FLRT2: variants seen among roughly 807,000 people sequenced by gnomAD.
FLRT2 encodes fibronectin leucine rich transmembrane protein 2.
Under a neutral mutation model 40.0 loss-of-function variants are expected in FLRT2, and 15 were observed. The ratio of observed to expected loss-of-function variants is 0.38; its 90% CI spans 0.25 to 0.58. FLRT2 has a LOEUF of 0.58. Among genes scored for constraint, FLRT2 ranks in the 20% least tolerant of loss-of-function variants. The pLI, the probability that FLRT2 is intolerant of heterozygous loss-of-function variation, is 0.71. For synonymous variants in FLRT2, 380 were observed against 336.8 expected, an observed-to-expected ratio of 1.13 and a Z score of -1.41; for missense variants, 726 against 840.0, an observed-to-expected ratio of 0.86 and a Z score of 1.68.
At chr14:85,556,175 G>A (rs1025444337) in intron 1 of FLRT2, among the ~76,000 whole-genome samples, 1 of 152,090 alleles carries the variant, frequency 6.6e-6, no homozygotes, top group Non-Finnish European at 1.5e-5. Flanking sequence ...AAAAAGTTTG[G>A]TATCCTAGAG....
chr14:85,568,004 C>T (rs1890710736), intron 1 of FLRT2, among the ~76,000 whole-genome samples: 1 of 151,940 alleles, frequency 6.6e-6, no homozygotes, highest in Non-Finnish European at 1.5e-5. Context: ...CATGACTTGC[C>T]GTCCTCTCAG....
At chr14:85,567,830 G>C (rs1017572636) in intron 1 of FLRT2, among the ~76,000 whole-genome samples, 6 of 151,726 alleles carry the variant, frequency 4.0e-5, no homozygotes, top group Non-Finnish European at 8.8e-5. Flanking sequence ...TAGTAGAGAC[G>C]GGGTTCCACC....
intron 1 of FLRT2, among the ~76,000 whole-genome samples, chr14:85,534,076 G>A (rs1236957701): frequency 6.6e-6 from 1 of 152,186 alleles, no homozygotes; most frequent in Non-Finnish European, 1.5e-5. Context: ...GGCCCTCGCG[G>A]GTCTGGCAGA....
At chr14:85,590,613 T>G (rs1213051423) in intron 1 of FLRT2, among the ~76,000 whole-genome samples, 1 of 152,166 alleles carries the variant, frequency 6.6e-6, no homozygotes. Flanking sequence ...TTATTTCATT[T>G]TTTTGAGACA....
rs1393860584 is a variant in FLRT2, at chr14:85,623,477, C to T, written c.1963C>T (p.Leu655=). ...ATACTGCAACAGCAGCGTGCCAGAC[C>T]TGGAGCACTGCCATACGTGACAGCC... ...MRYCNSSVPD[L]EHCHT Residue 655 remains leucine (L), a synonymous_variant, in exon 2 of 2, where the codon CTG becomes TTG. Coordinates refer to ENST00000330753, the MANE Select transcript of FLRT2 (RefSeq NM_013231.6). The T allele has an allele frequency of 2.8e-6, 4 of 1,448,708 alleles. No individual in the cohort carries two copies. Among genetic ancestry groups the T allele is most frequent in the African/African-American group, 1.4e-5 (1 of 70,366 alleles). The allele number at this position is 1,448,708 out of a possible 1,614,324, so 89.7% of individuals were successfully genotyped here. A position where few individuals can be genotyped will look rare whatever the true frequency, so the allele number is the denominator to read the frequency against.
chr14:85,650,839 A>T lies in FLRT2; in HGVS notation c.*27342A>T, dbSNP rs1894414381. 1 of 151,120 alleles carries T rather than the reference A, an allele frequency of 6.6e-6. No individual in the cohort carries two copies. Among genetic ancestry groups the T allele is most frequent in the African/African-American group, 2.4e-5 (1 of 41,100 alleles). 9.4% of individuals were successfully genotyped at this position (151,120 alleles called of 1,614,324 possible). On this transcript the variant is annotated 3_prime_UTR_variant, in exon 2 of 2. Transcript: ENST00000330753. ...TATATTCTTTGCAATAATTATTAAA[A>T]TTTTCTTTTTCTTTTCTTTTTTTAA... is the stretch of plus-strand genomic sequence containing the variant.
intron 1 of FLRT2, among the ~76,000 whole-genome samples, chr14:85,537,125 G>A (rs1454082162): frequency 6.6e-6 from 1 of 152,132 alleles, no homozygotes; most frequent in Non-Finnish European, 1.5e-5. Context: ...TGTGAGAAGA[G>A]TATTTATAAA....
At chr14:85,548,756 C>T (rs1889431901) in intron 1 of FLRT2, among the ~76,000 whole-genome samples, 1 of 152,076 alleles carries the variant, frequency 6.6e-6, no homozygotes, top group Non-Finnish European at 1.5e-5. Flanking sequence ...AAGTGTGGTC[C>T]CTGGCGAGAG....
chr14:85,601,069 C>T (rs946783976), intron 1 of FLRT2, among the ~76,000 whole-genome samples: 2 of 152,098 alleles, frequency 1.3e-5, no homozygotes, highest in African/African-American at 4.8e-5. Context: ...GGATGAGGGG[C>T]ACAAGCTGAA....
Position 85,633,254 on chromosome 14 carries a change from T to G in FLRT2, c.*9757T>G, listed in dbSNP as rs1009025608. On this transcript the variant is annotated 3_prime_UTR_variant, in exon 2 of 2. Transcript: ENST00000330753. ...TGTATTCTTTCTGGGGGAAAAAAAT[T>G]GGGAAGATGAGGTGCCATGGGATAA... The G allele has an allele frequency of 2.0e-5, 3 of 152,022 alleles. No individual in the cohort carries two copies. Among genetic ancestry groups the G allele is most frequent in the Non-Finnish European group, 4.4e-5 (3 of 67,994 alleles). 9.4% of individuals were successfully genotyped at this position (152,022 alleles called of 1,614,324 possible). A position where few individuals can be genotyped will look rare whatever the true frequency, so the allele number is the denominator to read the frequency against.
chr14:85,556,476 C>A (rs760339164), intron 1 of FLRT2, among the ~76,000 whole-genome samples: 4 of 152,176 alleles, frequency 2.6e-5, no homozygotes, highest in Non-Finnish European at 5.9e-5. Flanking sequence ...GGGAGAGAAG[C>A]CACATTCAAC....
intron 1 of FLRT2, among the ~76,000 whole-genome samples, chr14:85,582,400 C>T (rs1891428926): frequency 6.6e-6 from 1 of 152,114 alleles, no homozygotes; most frequent in Admixed American, 6.5e-5. Context: ...TTTTTCAATA[C>T]TACTAATTGA....
rs1223422990 is a variant in FLRT2, at chr14:85,649,859, C to T, written c.*26362C>T. On this transcript the variant is annotated 3_prime_UTR_variant, in exon 2 of 2. Coordinates refer to ENST00000330753, the MANE Select transcript of FLRT2 (RefSeq NM_013231.6). ...ATCTTATACACATAAAATACTTTCT[C>T]ATATTCTGAAGAATGAAGCATTTCT... 1 of 151,996 alleles carries T rather than the reference C, an allele frequency of 6.6e-6. No homozygotes were observed. Among genetic ancestry groups the T allele is most frequent in the African/African-American group, 2.4e-5 (1 of 41,402 alleles). The allele number at this position is 151,996 out of a possible 1,614,324, so 9.4% of individuals were successfully genotyped here.
chr14:85,607,176 A>G (rs1892661206), intron 1 of FLRT2, among the ~76,000 whole-genome samples: 1 of 152,116 alleles, frequency 6.6e-6, no homozygotes, highest in Non-Finnish European at 1.5e-5. Context: ...GCTCAACCCA[A>G]GCCATCAGAG....
At chr14:85,594,466 C>A (rs753081200) in intron 1 of FLRT2, among the ~76,000 whole-genome samples, 2 of 152,132 alleles carry the variant, frequency 1.3e-5, no homozygotes, top group African/African-American at 2.4e-5. Context: ...AACTCACATA[C>A]CCTAGGTGCG....
intron 1 of FLRT2, among the ~76,000 whole-genome samples, chr14:85,552,483 A>C (rs1889695091): frequency 6.6e-6 from 1 of 152,188 alleles, no homozygotes; most frequent in South Asian, 2.1e-4. Flanking sequence ...CTTATTCAGA[A>C]AAAGTTAAGG....
intron 1 of FLRT2, among the ~76,000 whole-genome samples, chr14:85,576,969 T>C (rs1004286232): frequency 7.2e-4 from 110 of 152,250 alleles, no homozygotes; most frequent in African/African-American, 2.6e-3. Flanking sequence ...TGTGTGCTCC[T>C]GATCTTAAAT....
chr14:85,549,992 A>G (rs1548243), intron 1 of FLRT2, among the ~76,000 whole-genome samples: 67,957 of 151,372 alleles, frequency 0.45, 16,988 homozygotes, highest in Middle Eastern at 0.62. Flanking sequence ...TTCTATCTCA[A>G]TTTGGATATG....
intron 1 of FLRT2, among the ~76,000 whole-genome samples, chr14:85,531,901 C>T (rs1468953574): frequency 1.3e-5 from 2 of 152,178 alleles, no homozygotes; most frequent in Non-Finnish European, 2.9e-5. Context: ...CGTGTGCCAG[C>T]GTGCGTCTCC....
Sources: allele counts gnomAD v4.1 joint callset (sites outside exome capture counted in the v4.1 genomes callset), GRCh38; gene constraint gnomAD v4.1.1; transcripts MANE v1.5; gene names NCBI Gene and HGNC (gene_info 2026-07-23, HGNC 2026-07-21).